The following LDB2 variants were observed in gnomAD, a reference collection of about 807,000 sequenced individuals.
LDB2 encodes LIM domain binding 2.
LDB2 carries 12 observed loss-of-function variants against 44.3 expected under a neutral mutation model. The ratio of observed to expected loss-of-function variants is 0.27; its 90% CI spans 0.17 to 0.44. The LOEUF (loss-of-function observed/expected upper bound fraction) is 0.44. LDB2 is among the 20% of genes least tolerant of loss of function. LDB2 has a pLI of 1.00. For synonymous variants in LDB2, 164 were observed against 174.8 expected (o/e 0.94, Z 0.49); for missense variants, 344 against 473.5 (o/e 0.73, Z 2.54).
chr4:16,809,773 G>A (rs1167088463), intron 1 of LDB2, among the ~76,000 whole-genome samples: 3 of 151,998 alleles, frequency 2.0e-5, no homozygotes, highest in Non-Finnish European at 4.4e-5. Flanking sequence ...GGGACTCGCT[G>A]ATAAACTGGT....
At chr4:16,704,000 T>C (rs11947760) in intron 2 of LDB2, among the ~76,000 whole-genome samples, 12,617 of 152,216 alleles carry the variant, frequency 0.083, 829 homozygotes, top group East Asian at 0.4. Context: ...ATGGGACTGT[T>C]ATCGGGTGCC....
At chr4:16,766,461 CACAT>C (rs1769245480) in intron 1 of LDB2, among the ~76,000 whole-genome samples, 1 of 44,612 alleles carries the variant, frequency 2.2e-5, no homozygotes, top group Non-Finnish European at 7.1e-5. Flanking sequence ...TATATACACA[CACAT>C]ATATGTGTGT....
chr4:16,800,926 C>T (rs1449026077), intron 1 of LDB2, among the ~76,000 whole-genome samples: 2 of 152,312 alleles, frequency 1.3e-5, no homozygotes, highest in East Asian at 1.9e-4. Flanking sequence ...CCACCCGCCT[C>T]GGCCTCCCAG....
chr4:16,773,753 G>C (rs1771226812), intron 1 of LDB2, among the ~76,000 whole-genome samples: 1 of 151,774 alleles, frequency 6.6e-6, no homozygotes, highest in African/African-American at 2.4e-5. Flanking sequence ...TTTTTTTAGA[G>C]AGACAGGGTC....
At chr4:16,690,548 A>AAAGGAAGG (rs532786164) in intron 2 of LDB2, among the ~76,000 whole-genome samples, 4 of 69,388 alleles carry the variant, frequency 5.8e-5, no homozygotes, top group African/African-American at 2.2e-4. Flanking sequence ...GAGGTTGGGG[A>AAAGGAAGG]AAGGAAGGAA....
At chr4:16,530,470 A>G (rs568199219) in intron 5 of LDB2, among the ~76,000 whole-genome samples, 1 of 152,358 alleles carries the variant, frequency 6.6e-6, no homozygotes, top group Non-Finnish European at 1.5e-5. Context: ...TTTGCCCAGC[A>G]GCAGAAAGTA....
At chr4:16,514,796 C>T (rs1363176683) in intron 5 of LDB2, among the ~76,000 whole-genome samples, 4 of 152,088 alleles carry the variant, frequency 2.6e-5, no homozygotes, top group Admixed American at 1.3e-4. Context: ...CTTTGATGTC[C>T]TTTTTGAAAT....
Position 16,616,206 on chromosome 4 carries a change from G to A in LDB2, c.236-20331C>T, listed in dbSNP as rs565129771. On this transcript the variant is annotated intron_variant, in intron 2 of 7. Coordinates refer to ENST00000304523, the MANE Select transcript of LDB2 (RefSeq NM_001290.5). ...GTTACTGGTTATTCTCTCAGAATGC[G>A]TAGTAGGCGTTTCATAAATAAACAT... is the stretch of plus-strand genomic sequence containing the variant. 1.8e-4 allele frequency among the ~76,000 whole-genome samples: 27 copies of A among 152,222 alleles called. No homozygotes were observed. In the South Asian group the frequency reaches 2.5e-3, roughly 14 times the overall value.
intron 2 of LDB2, among the ~76,000 whole-genome samples, chr4:16,755,193 T>G (rs284210): frequency 0.89 from 134,923 of 152,178 alleles, 60,157 homozygotes; most frequent in Middle Eastern, 0.96. Context: ...TCTGCTACAT[T>G]CCTAAAAGGA....
intron 1 of LDB2, among the ~76,000 whole-genome samples, chr4:16,819,786 G>A (rs1053403178): frequency 6.6e-6 from 1 of 152,142 alleles, no homozygotes; most frequent in Non-Finnish European, 1.5e-5. Flanking sequence ...GACTGAAGGA[G>A]GTGAATGAAT....
At chr4:16,838,857 A>G (rs985925079) in intron 1 of LDB2, among the ~76,000 whole-genome samples, 1 of 152,210 alleles carries the variant, frequency 6.6e-6, no homozygotes, top group African/African-American at 2.4e-5. Context: ...AAAATGCACA[A>G]TAGGCATAGT....
At chr4:16,594,142 C>A (rs1160646192) in intron 3 of LDB2, among the ~76,000 whole-genome samples, 4 of 149,202 alleles carry the variant, frequency 2.7e-5, no homozygotes, top group African/African-American at 7.4e-5. Flanking sequence ...CTTGAATTAC[C>A]TAAAAATAAC....
At chr4:16,735,926 G>A (rs1761803879) in intron 2 of LDB2, among the ~76,000 whole-genome samples, 1 of 152,130 alleles carries the variant, frequency 6.6e-6, no homozygotes, top group African/African-American at 2.4e-5. Context: ...GGAAAAACTG[G>A]TGAAATCCAA....
At chr4:16,794,995 A>G (rs537579737) in intron 1 of LDB2, among the ~76,000 whole-genome samples, 5 of 152,192 alleles carry the variant, frequency 3.3e-5, no homozygotes, top group Non-Finnish European at 7.3e-5. Context: ...GAAAGACACA[A>G]CCTAGTAGAC....
intron 1 of LDB2, among the ~76,000 whole-genome samples, chr4:16,805,720 C>T (rs969140598): frequency 9.9e-5 from 15 of 152,238 alleles, no homozygotes; most frequent in South Asian, 2.1e-4. Flanking sequence ...ATTACAGGGA[C>T]GAAAGATGAT....
chr4:16,776,058 A>G (rs1447632828), intron 1 of LDB2, among the ~76,000 whole-genome samples: 3 of 152,222 alleles, frequency 2.0e-5, no homozygotes, highest in Non-Finnish European at 4.4e-5. Flanking sequence ...GCCAGCATCC[A>G]TATTTAGATC....
intron 2 of LDB2, among the ~76,000 whole-genome samples, chr4:16,740,163 A>G (rs1419466955): frequency 6.6e-6 from 1 of 152,224 alleles, no homozygotes; most frequent in African/African-American, 2.4e-5. Context: ...TGAGAGCTCC[A>G]TAAATATTCC....
chr4:16,781,783 T>C (rs904998199), intron 1 of LDB2, among the ~76,000 whole-genome samples: 3 of 152,180 alleles, frequency 2.0e-5, no homozygotes, highest in Non-Finnish European at 2.9e-5. Flanking sequence ...TGCAGATTAA[T>C]AGGTTAAGAT....
chr4:16,652,464 G>A (rs1295532071), intron 2 of LDB2, among the ~76,000 whole-genome samples: 1 of 152,118 alleles, frequency 6.6e-6, no homozygotes, highest in Non-Finnish European at 1.5e-5. Context: ...AGAAGCCCTG[G>A]ACAATTCTGA....
Sources: gnomAD v4.1 joint callset for allele counts (sites outside exome capture counted in the v4.1 genomes callset) on GRCh38, gnomAD v4.1.1 for gene constraint, MANE v1.5 for transcripts, NCBI Gene and HGNC (gene_info 2026-07-23, HGNC 2026-07-21) for gene names.